Variants in DNAJC13 observed in about 807,000 individuals in gnomAD.
DNAJC13 encodes DnaJ heat shock protein family (Hsp40) member C13, also known as dnaJ homolog subfamily C member 13.
A neutral mutation model predicts 290.5 loss-of-function variants in DNAJC13; 75 were observed. The observed-to-expected ratio is 0.26, with a 90% CI of 0.21 to 0.31. The LOEUF (loss-of-function observed/expected upper bound fraction) is 0.31, where lower values mean the gene tolerates loss of function less well. Among genes scored for constraint, DNAJC13 ranks in the 10% least tolerant of loss-of-function variants. The probability of loss-of-function intolerance (pLI) is 1.00; values close to 1 mark genes in which losing one functional copy is unlikely to be tolerated. For synonymous variants in DNAJC13, 862 were observed against 892.0 expected (o/e 0.97, Z 0.60); for missense variants, 2,260 against 2,674.5 (o/e 0.85, Z 3.42).
At chr3:132,492,176 C>A (rs1316912714) in intron 32 of DNAJC13, among the ~76,000 whole-genome samples, 1 of 152,112 alleles carries the variant, frequency 6.6e-6, no homozygotes, top group African/African-American at 2.4e-5. Flanking sequence ...ATAGGAAGGA[C>A]TGGGATTATC....
At chr3:132,420,418 T>C (rs1240051669) in intron 1 of DNAJC13, among the ~76,000 whole-genome samples, 1 of 152,202 alleles carries the variant, frequency 6.6e-6, no homozygotes, top group Non-Finnish European at 1.5e-5. Flanking sequence ...GAGAATCTTA[T>C]GCCTGGAGGA....
In DNAJC13 at chr3:132,457,353, T is replaced by C. The variant is rs777786355; in HGVS notation, c.1434T>C (p.Leu478=). ...TAATCCATGCAGCAGTTGATATGCT[T>C]TGTGCCCTTATGTGTGTAAGTAGTA... ...NGIIHAAVDM[L]CALMCPMHDD... The change falls in exon 13 of 56, where the codon CTT becomes CTC. Residue 478 remains leucine, a synonymous_variant. Transcript: ENST00000260818. The C allele has an allele frequency of 6.2e-7, 1 of 1,613,316 alleles. No individual in the cohort carries two copies. The highest frequency in any genetic ancestry group is 8.5e-7 in the Non-Finnish European group (1 of 1,179,548).
intron 31 of DNAJC13, 136 bp from the exon 32 acceptor site, chr3:132,490,761 A>G: frequency 1.1e-6 from 1 of 924,468 alleles, no homozygotes; most frequent in South Asian, 2.1e-5. Context: ...TTCCATCTAC[A>G]TTCCCAAAGC....
rs1165452798 is a variant in DNAJC13, at chr3:132,488,968, C to G, written c.3423-8C>G. On this transcript the variant is annotated splice_region_variant and splice_polypyrimidine_tract_variant and intron_variant, in intron 30 of 55. Coordinates refer to ENST00000260818, the MANE Select transcript of DNAJC13 (RefSeq NM_015268.4). Reference sequence around the variant, plus strand: ...TATATCTGATAGATAATTCATTTTTCTTTCTAGATTTTTGAAATACACACA... The same window carrying G: ...TATATCTGATAGATAATTCATTTTTGTTTCTAGATTTTTGAAATACACACA... 1 of 1,599,186 alleles carries G rather than the reference C, an allele frequency of 6.3e-7. No homozygotes were observed. The highest frequency in any genetic ancestry group is 8.6e-7 in the Non-Finnish European group (1 of 1,168,112).
chr3:132,444,237 C>T (rs902754768), intron 2 of DNAJC13, among the ~76,000 whole-genome samples: 1 of 152,170 alleles, frequency 6.6e-6, no homozygotes, highest in Non-Finnish European at 1.5e-5. Context: ...CTGCCCTGTC[C>T]ATGGAAAAAT....
At chr3:132,434,054 C>CA (rs1403204439) in intron 1 of DNAJC13, among the ~76,000 whole-genome samples, 1 of 152,106 alleles carries the variant, frequency 6.6e-6, no homozygotes, top group Non-Finnish European at 1.5e-5. Context: ...ACTAAAAATA[C>CA]AAAAAATTAG....
intron 48 of DNAJC13, among the ~76,000 whole-genome samples, chr3:132,520,824 G>A (rs917743236): frequency 6.6e-6 from 1 of 152,132 alleles, no homozygotes; most frequent in Admixed American, 6.5e-5. Context: ...GATTTCTGTA[G>A]CAGTCACACA....
At chr3:132,525,568 T>G in intron 51 of DNAJC13, 42 bp from the exon 52 acceptor site, 59 of 1,593,804 alleles carry the variant, frequency 3.7e-5, no homozygotes, top group Non-Finnish European at 4.5e-5. Context: ...TAGGGCTGTA[T>G]GAGTATTTTA....
chr3:132,471,274 C>T (rs1434862658), intron 20 of DNAJC13, among the ~76,000 whole-genome samples: 4 of 138,192 alleles, frequency 2.9e-5, no homozygotes, highest in South Asian at 4.8e-4. Flanking sequence ...CCGGATGGCA[C>T]GGCTGGCCGG....
At chr3:132,473,969 A>T (rs2107687866) in intron 21 of DNAJC13, among the ~76,000 whole-genome samples, 1 of 152,334 alleles carries the variant, frequency 6.6e-6, no homozygotes, top group African/African-American at 2.4e-5. Context: ...AGGATTGCAG[A>T]CTTGAAAGTA....
At chr3:132,495,697 T>C (rs1935214389) in intron 35 of DNAJC13, among the ~76,000 whole-genome samples, 1 of 152,144 alleles carries the variant, frequency 6.6e-6, no homozygotes, top group South Asian at 2.1e-4. Flanking sequence ...GATAGTCTAT[T>C]GCTAGAAACT....
intron 20 of DNAJC13, 90 bp from the exon 21 acceptor site, chr3:132,473,055 T>A: frequency 1.2e-6 from 1 of 821,164 alleles, no homozygotes; most frequent in African/African-American, 1.8e-5. Flanking sequence ...ATGAAAGAAA[T>A]GTTTCTCATC....
At chr3:132,537,660 T>C (rs1936638428) in intron 55 of DNAJC13, among the ~76,000 whole-genome samples, 1 of 152,238 alleles carries the variant, frequency 6.6e-6, no homozygotes, top group African/African-American at 2.4e-5. Context: ...TCCAGAGCCT[T>C]TTCTTTTTCA....
intron 39 of DNAJC13, among the ~76,000 whole-genome samples, chr3:132,501,775 T>C (rs1055065695): frequency 6.6e-6 from 1 of 152,100 alleles, no homozygotes; most frequent in African/African-American, 2.4e-5. Context: ...AGAGTGAGAA[T>C]TGTCTTGAAT....
At chr3:132,445,456 TTAG>T (rs2107659473) in intron 2 of DNAJC13, among the ~76,000 whole-genome samples, 1 of 152,200 alleles carries the variant, frequency 6.6e-6, no homozygotes, top group African/African-American at 2.4e-5. Context: ...TTTTCAGATT[TTAG>T]TAGTATTAAA....
intron 1 of DNAJC13, among the ~76,000 whole-genome samples, chr3:132,426,821 T>C (rs1939104179): frequency 6.6e-6 from 1 of 152,022 alleles, no homozygotes; most frequent in African/African-American, 2.4e-5. Context: ...TCTCAAGCCA[T>C]AGTTAATTTG....
intron 43 of DNAJC13, among the ~76,000 whole-genome samples, chr3:132,509,633 T>G (rs1003232821): frequency 3.3e-5 from 5 of 151,608 alleles, no homozygotes; most frequent in African/African-American, 1.2e-4. Flanking sequence ...AAAGGAAGAG[T>G]CAGCTGATAG....
chr3:132,475,640 C>T (rs939891569), intron 22 of DNAJC13, among the ~76,000 whole-genome samples: 2 of 152,124 alleles, frequency 1.3e-5, no homozygotes, highest in East Asian at 1.9e-4. Flanking sequence ...AGTGATCCTG[C>T]GGGCTTTGAT....
chr3:132,456,932 T>C (rs1933617892), intron 12 of DNAJC13, 100 bp downstream of exon 12: 4 of 1,284,266 alleles, frequency 3.1e-6, no homozygotes, highest in South Asian at 1.5e-5. Flanking sequence ...CTAAACCAGA[T>C]ACCTTTTATA....
Sources: gnomAD v4.1 joint callset for allele counts (sites outside exome capture counted in the v4.1 genomes callset) on GRCh38, gnomAD v4.1.1 for gene constraint, MANE v1.5 for transcripts, NCBI Gene and HGNC (gene_info 2026-07-23, HGNC 2026-07-21) for gene names.